The following PLAC1 variants were observed in gnomAD, a reference collection of about 807,000 sequenced individuals.
PLAC1 encodes placenta associated 1.
For missense variants in PLAC1, 136 were observed against 163.2 expected, an observed-to-expected ratio of 0.83 and a Z score of 0.91; for synonymous variants, 68 against 62.1, an observed-to-expected ratio of 1.09 and a Z score of -0.44.
At chrX:134,746,105 T>C (rs1205999987) in intron 1 of PLAC1, among the ~76,000 whole-genome samples, 1 of 112,303 alleles carries the variant, frequency 8.9e-6, no homozygotes, top group African/African-American at 3.2e-5. Context: ...TAACACACAT[T>C]GACATAGGCA....
chrX:134,727,177 C>T (rs2078677159), intron 2 of PLAC1, among the ~76,000 whole-genome samples: 1 of 111,552 alleles, frequency 9.0e-6, no homozygotes, highest in African/African-American at 3.3e-5. Flanking sequence ...GCTCCCCCTC[C>T]CTCAAAAGTA....
At chrX:134,620,732 T>C (rs1351516124) in intron 1 of PLAC1, among the ~76,000 whole-genome samples, 1 of 112,172 alleles carries the variant, frequency 8.9e-6, no homozygotes, top group Non-Finnish European at 1.9e-5. Context: ...AGATAATGTA[T>C]TAAGCGTAGT....
intron 1 of PLAC1, among the ~76,000 whole-genome samples, chrX:134,637,945 G>C (rs984770153): frequency 8.9e-6 from 1 of 112,227 alleles, no homozygotes; most frequent in African/African-American, 3.2e-5. Flanking sequence ...CACAGCAGGT[G>C]CTCAATAAAT....
chrX:134,633,544 T>C (rs1230010280), intron 1 of PLAC1, among the ~76,000 whole-genome samples: 1 of 112,173 alleles, frequency 8.9e-6, no homozygotes, highest in African/African-American at 3.2e-5. Flanking sequence ...GGCTAATTTG[T>C]ACAGCTGCTT....
At chrX:134,598,242 G>A (rs1222508680) in intron 2 of PLAC1, among the ~76,000 whole-genome samples, 1 of 111,871 alleles carries the variant, frequency 8.9e-6, no homozygotes, top group Non-Finnish European at 1.9e-5. Context: ...TCATACTCGT[G>A]TAGCTTGTGA....
At chrX:134,660,944 T>TA (rs2078414333), upstream of PLAC1, among the ~76,000 whole-genome samples, 1 of 110,393 alleles carries the variant, frequency 9.1e-6, no homozygotes, top group Non-Finnish European at 1.9e-5. Flanking sequence ...AATGTTGTTT[T>TA]AAAAAAATTA....
intron 2 of PLAC1, among the ~76,000 whole-genome samples, chrX:134,709,399 G>A (rs2078620970): frequency 8.9e-6 from 1 of 111,991 alleles, no homozygotes; most frequent in African/African-American, 3.2e-5. Flanking sequence ...GCCAAGGCGG[G>A]CGGATCACTT....
chrX:134,580,065 G>A (rs1475092532), intron 2 of PLAC1, among the ~76,000 whole-genome samples: 4 of 112,227 alleles, frequency 3.6e-5, no homozygotes, highest in African/African-American at 1.3e-4. Context: ...TTCAAGGTAG[G>A]CAGGCCACTG....
At chrX:134,623,234 A>G (rs192652288) in intron 1 of PLAC1, among the ~76,000 whole-genome samples, 2 of 112,050 alleles carry the variant, frequency 1.8e-5, no homozygotes, top group East Asian at 5.6e-4. Flanking sequence ...CAGTAGCTCT[A>G]TAGAAAAGGG....
chrX:134,727,201 AT>A (rs773315307), intron 2 of PLAC1, among the ~76,000 whole-genome samples: 1 of 111,756 alleles, frequency 8.9e-6, no homozygotes, highest in Admixed American at 9.5e-5. Context: ...AGGCTTGCAA[AT>A]AGAAGGAAAG....
chrX:134,679,936 T>C (rs900080243), intron 2 of PLAC1, among the ~76,000 whole-genome samples: 27 of 111,290 alleles, frequency 2.4e-4, no homozygotes, highest in Non-Finnish European at 1.1e-4. Flanking sequence ...GAGCTTAGAG[T>C]TTATGTCTCT....
intron 1 of PLAC1, chrX:134,651,404 A>G: frequency 6.9e-6 from 1 of 145,538 alleles, no homozygotes; most frequent in Non-Finnish European, 1.4e-5. Flanking sequence ...CCAGAGTTTC[A>G]CTTGTAAACA....
chrX:134,646,473 T>C (rs758784792), intron 1 of PLAC1, among the ~76,000 whole-genome samples: 10 of 112,322 alleles, frequency 8.9e-5, no homozygotes, highest in African/African-American at 3.2e-4. Flanking sequence ...TACATTTAGA[T>C]TTCGAATCTC....
intron 2 of PLAC1, among the ~76,000 whole-genome samples, chrX:134,581,195 T>C (rs920631892): frequency 3.8e-4 from 42 of 110,703 alleles, no homozygotes; most frequent in African/African-American, 1.3e-3. Flanking sequence ...AGGGAAAGAG[T>C]ACAGACAGTC....
intron 2 of PLAC1, among the ~76,000 whole-genome samples, chrX:134,712,045 G>A (rs1004784027): frequency 9.0e-6 from 1 of 111,449 alleles, no homozygotes; most frequent in Non-Finnish European, 1.9e-5. Context: ...CATATAAAAA[G>A]AGATTCTACC....
At chrX:134,580,578 G>A (rs921786733) in intron 2 of PLAC1, among the ~76,000 whole-genome samples, 1 of 111,934 alleles carries the variant, frequency 8.9e-6, no homozygotes, top group Non-Finnish European at 1.9e-5. Context: ...ACATAAAAGA[G>A]TGGCAACGGT....
At chrX:134,678,399 G>A (rs2078482538) in intron 2 of PLAC1, among the ~76,000 whole-genome samples, 1 of 111,172 alleles carries the variant, frequency 9.0e-6, no homozygotes, top group Middle Eastern at 4.6e-3. Context: ...TGTTCCCTCT[G>A]CCTCTAACAC....
chrX:134,667,725 C>T (rs986164425), intron 2 of PLAC1, among the ~76,000 whole-genome samples: 9 of 110,312 alleles, frequency 8.2e-5, no homozygotes, highest in South Asian at 3.9e-4. Flanking sequence ...GTTTGAGATC[C>T]GCCTGGGCTA....
chrX:134,688,181 C>T (rs2078524877), intron 2 of PLAC1, among the ~76,000 whole-genome samples: 1 of 110,626 alleles, frequency 9.0e-6, no homozygotes, highest in South Asian at 3.9e-4. Flanking sequence ...CCAATTCAGA[C>T]AGTTTATTGT....
Sources: gnomAD v4.1 joint callset for allele counts (sites outside exome capture counted in the v4.1 genomes callset) on GRCh38, gnomAD v4.1.1 for gene constraint, MANE v1.5 for transcripts, NCBI Gene and HGNC (gene_info 2026-07-23, HGNC 2026-07-21) for gene names.